DAPK1: variants seen among roughly 807,000 people sequenced by gnomAD.
The protein encoded by DAPK1 is death associated protein kinase 1.
DAPK1 carries 56 observed loss-of-function variants against 144.9 expected under a neutral mutation model. The ratio of observed to expected loss-of-function variants is 0.39; its 90% CI spans 0.31 to 0.48. The LOEUF is 0.48. Among genes scored for constraint, DAPK1 ranks in the 20% least tolerant of loss-of-function variants. DAPK1 has a pLI of 0.95. For missense variants in DAPK1, 1,454 were observed against 1,875.4 expected (o/e 0.78, Z 4.15); for synonymous variants, 690 against 749.0 (o/e 0.92, Z 1.29).
intron 2 of DAPK1, among the ~76,000 whole-genome samples, chr9:87,511,259 G>T (rs536005734): frequency 6.6e-6 from 1 of 152,076 alleles, no homozygotes; most frequent in African/African-American, 2.4e-5. Flanking sequence ...TTTATGTGCC[G>T]AGCTCTCTTG....
intron 2 of DAPK1, among the ~76,000 whole-genome samples, chr9:87,567,567 C>T (rs534653238): frequency 6.6e-6 from 1 of 152,276 alleles, no homozygotes; most frequent in South Asian, 2.1e-4. Context: ...GGGAATTAGG[C>T]TCGGTTGTGA....
intron 2 of DAPK1, among the ~76,000 whole-genome samples, chr9:87,533,848 A>T (rs1224354651): frequency 6.6e-6 from 1 of 152,120 alleles, no homozygotes; most frequent in Non-Finnish European, 1.5e-5. Flanking sequence ...TTTTGAGTTG[A>T]GACGGGGTTT....
chr9:87,562,086 G>T (rs1366277194), intron 2 of DAPK1, among the ~76,000 whole-genome samples: 2 of 152,226 alleles, frequency 1.3e-5, no homozygotes, highest in Non-Finnish European at 2.9e-5. Context: ...GTAATGTGGG[G>T]ATTCTCATGG....
At chr9:87,498,190 G>T in intron 1 of DAPK1, 83 bp downstream of exon 1, 1 of 396,772 alleles carries the variant, frequency 2.5e-6, no homozygotes, top group Non-Finnish European at 4.4e-6. Context: ...GGTGGGGTTT[G>T]TCCGGGCAGT....
At chr9:87,507,070 A>G (rs903991150) in intron 2 of DAPK1, 8 of 152,316 alleles carry the variant, frequency 5.3e-5, no homozygotes, top group African/African-American at 1.7e-4. Context: ...ATAGTAACTA[A>G]TCTCTGGAGA....
At chr9:87,586,512 T>C (rs2118857398) in intron 2 of DAPK1, among the ~76,000 whole-genome samples, 1 of 152,330 alleles carries the variant, frequency 6.6e-6, no homozygotes, top group South Asian at 2.1e-4. Context: ...TACATAACTA[T>C]AACCTACTTC....
At chr9:87,692,952 CTTTTTTTTTTTTTTTTTTTTT>C (rs61324273) in intron 21 of DAPK1, among the ~76,000 whole-genome samples, 10 of 26,378 alleles carry the variant, frequency 3.8e-4, no homozygotes, top group Non-Finnish European at 5.6e-4. Context: ...AGTGACTAGA[CTTTTTTTTTTTTTTTTTTTTT>C]TTTTTTTTTT....
intron 18 of DAPK1, among the ~76,000 whole-genome samples, chr9:87,666,011 C>T (rs1480585212): frequency 2.0e-5 from 3 of 152,188 alleles, no homozygotes; most frequent in Middle Eastern, 3.2e-3. Context: ...GCTTTTGCAG[C>T]CTCCGTCGGG....
intron 18 of DAPK1, among the ~76,000 whole-genome samples, chr9:87,666,018 C>T (rs959601039): frequency 6.6e-6 from 1 of 152,170 alleles, no homozygotes; most frequent in Non-Finnish European, 1.5e-5. Context: ...CAGCCTCCGT[C>T]GGGGTGTCCA....
In DAPK1 at chr9:87,707,174, A is replaced by G. The variant is rs1458507921; in HGVS notation, c.4103A>G (p.Tyr1368Cys). ...LHALLREWTT[Y>C]PESTVGTLMS... The stretch of plus-strand genomic sequence containing the variant: ...GCCCTGCTGCGGGAATGGACCACCT[A>G]CCCTGAGAGCACAGTGGGCACCCTC... The change falls in exon 26 of 26, where the codon TAC (tyrosine) becomes TGC (cysteine). Residue 1368 changes from tyrosine to cysteine, a missense_variant. This residue lies in a region of DAPK1 where 1,025 missense variants were observed against 1,237.9 expected (regional missense o/e 0.83). Coordinates refer to ENST00000408954, the MANE Select transcript of DAPK1 (RefSeq NM_004938.4). This position sits in a 1 kb window ranked among gnomAD's most constrained non-coding sequence, Gnocchi z 4.0. The G allele has an allele frequency of 1.2e-6, 2 of 1,613,910 alleles. No individual in the cohort carries two copies. The highest frequency in any genetic ancestry group is 1.7e-6 in the Non-Finnish European group (2 of 1,179,868).
chr9:87,531,583 A>G (rs1055713176), intron 2 of DAPK1, among the ~76,000 whole-genome samples: 1 of 152,184 alleles, frequency 6.6e-6, no homozygotes, highest in Non-Finnish European at 1.5e-5. Flanking sequence ...GGATGAGTAG[A>G]AAAAGGCAGA....
At chr9:87,692,951 ACTTTTT>A (rs1430047957) in intron 21 of DAPK1, among the ~76,000 whole-genome samples, 8 of 40,176 alleles carry the variant, frequency 2.0e-4, no homozygotes, top group African/African-American at 5.4e-4. Context: ...AAGTGACTAG[ACTTTTT>A]TTTTTTTTTT....
At chr9:87,547,707 G>A (rs1427665438) in intron 2 of DAPK1, among the ~76,000 whole-genome samples, 3 of 151,998 alleles carry the variant, frequency 2.0e-5, no homozygotes, top group South Asian at 4.2e-4. Flanking sequence ...AGGGGTGGGG[G>A]TGCAGGGTGG....
chr9:87,525,515 A>G (rs961900987), intron 2 of DAPK1: 179 of 1,141,714 alleles, frequency 1.6e-4, no homozygotes, highest in Middle Eastern at 2.8e-4. Flanking sequence ...CATATACTCA[A>G]TGAAAAACCA....
At chr9:87,514,443 T>C (rs752131917) in intron 2 of DAPK1, among the ~76,000 whole-genome samples, 3 of 152,212 alleles carry the variant, frequency 2.0e-5, no homozygotes, top group Non-Finnish European at 4.4e-5. Context: ...CCCTGTTGAA[T>C]CACTTTTCCC....
chr9:87,541,853 C>T (rs763971215), intron 2 of DAPK1, among the ~76,000 whole-genome samples: 5 of 152,152 alleles, frequency 3.3e-5, no homozygotes, highest in Non-Finnish European at 4.4e-5. Context: ...CTGTGTCTAT[C>T]ACATGTCTAT....
chr9:87,562,021 A>G (rs1006205846), intron 2 of DAPK1, among the ~76,000 whole-genome samples: 30 of 152,180 alleles, frequency 2.0e-4, no homozygotes, highest in Non-Finnish European at 3.8e-4. Context: ...AGACTGGGCC[A>G]CAGGGACCCT....
chr9:87,497,956 G>A lies in DAPK1; in HGVS notation c.-260G>A. ...GGGGACTCGGCAACTCGCAGCGGCAGGGTCTGGGGCCGGCGCCTGGGAGGG... is the reference window on the plus strand; with the variant it reads ...GGGGACTCGGCAACTCGCAGCGGCAAGGTCTGGGGCCGGCGCCTGGGAGGG... On this transcript the variant is annotated 5_prime_UTR_variant, in exon 1 of 26. Transcript: ENST00000408954. 1 of 396,914 alleles carries A rather than the reference G, an allele frequency of 2.5e-6. No individual in the cohort carries two copies. Among genetic ancestry groups the A allele is most frequent in the African/African-American group, 2.1e-5 (1 of 48,712 alleles). 24.6% of individuals were successfully genotyped at this position (396,914 alleles called of 1,614,324 possible). A position where few individuals can be genotyped will look rare whatever the true frequency, so the allele number is the denominator to read the frequency against.
At chr9:87,658,411 C>T (rs1237386619) in intron 18 of DAPK1, among the ~76,000 whole-genome samples, 3 of 152,212 alleles carry the variant, frequency 2.0e-5, no homozygotes, top group Non-Finnish European at 2.9e-5. Context: ...ACCAGGGCCC[C>T]TGCATGGTGG....
Sources: gnomAD v4.1 joint callset for allele counts (sites outside exome capture counted in the v4.1 genomes callset) on GRCh38, gnomAD v4.1.1 for gene constraint, gnomAD v4.1.1 regional missense constraint, Gnocchi (gnomAD v3.1) non-coding constraint, MANE v1.5 for transcripts, NCBI Gene and HGNC (gene_info 2026-07-23, HGNC 2026-07-21) for gene names.